Variants in FRMD4A observed in about 807,000 individuals in gnomAD.
FRMD4A encodes the protein FERM domain-containing protein 4A.
Under a neutral mutation model 129.1 loss-of-function variants are expected in FRMD4A, and 29 were observed. The ratio of observed to expected loss-of-function variants is 0.22; its 90% CI spans 0.17 to 0.31. FRMD4A has a LOEUF of 0.31. Among genes scored for constraint, FRMD4A ranks in the 10% least tolerant of loss-of-function variants. The pLI is 1.00. For missense variants in FRMD4A, 1,272 were observed against 1,375.8 expected, an observed-to-expected ratio of 0.92 and a Z score of 1.19; for synonymous variants, 634 against 571.6, an observed-to-expected ratio of 1.11 and a Z score of -1.56.
chr10:14,059,417 T>C (rs1023500371), intron 2 of FRMD4A, among the ~76,000 whole-genome samples: 3 of 152,126 alleles, frequency 2.0e-5, no homozygotes, highest in Non-Finnish European at 2.9e-5. Flanking sequence ...GAGGCCCTGA[T>C]TGGATAGGAT....
At chr10:13,689,160 CT>C (rs996151756) in intron 15 of FRMD4A, among the ~76,000 whole-genome samples, 1 of 131,790 alleles carries the variant, frequency 7.6e-6, no homozygotes, top group African/African-American at 2.8e-5. Flanking sequence ...CATTTTACGT[CT>C]TTTTTTTAAA....
chr10:14,191,801 T>TCTCTC (rs200600338), intron 2 of FRMD4A, among the ~76,000 whole-genome samples: 1 of 113,400 alleles, frequency 8.8e-6, no homozygotes, highest in East Asian at 2.5e-4. Context: ...GCTGTTTTTT[T>TCTCTC]TTTTTCTCTC....
chr10:13,683,125 T>C (rs572201708), intron 15 of FRMD4A, among the ~76,000 whole-genome samples: 2 of 151,558 alleles, frequency 1.3e-5, no homozygotes. Context: ...TTCAAGTGAT[T>C]CTCCTGCCTC....
chr10:14,250,892 A>C (rs559019931), intron 2 of FRMD4A, among the ~76,000 whole-genome samples: 1 of 152,296 alleles, frequency 6.6e-6, no homozygotes, highest in African/African-American at 2.4e-5. Flanking sequence ...CCAGAATGAA[A>C]AACATAATAC....
chr10:13,747,918 T>C, intron 8 of FRMD4A, 99 bp from the exon 9 acceptor site: 1 of 731,898 alleles, frequency 1.4e-6, no homozygotes, highest in Non-Finnish European at 2.5e-6. Context: ...AGACCCCACA[T>C]CTGCTTCCCT....
At chr10:13,930,698 GC>G (rs1322285791) in intron 2 of FRMD4A, among the ~76,000 whole-genome samples, 1 of 152,178 alleles carries the variant, frequency 6.6e-6, no homozygotes, top group Non-Finnish European at 1.5e-5. Flanking sequence ...GGGAAAGAAT[GC>G]TTAAATAGGA....
chr10:13,847,234 T>A (rs955683595), intron 3 of FRMD4A, among the ~76,000 whole-genome samples: 2 of 152,032 alleles, frequency 1.3e-5, no homozygotes, highest in Non-Finnish European at 1.5e-5. Context: ...AAAGACCTAG[T>A]GGGCGGCCCC....
chr10:13,821,935 C>G lies in FRMD4A; in HGVS notation c.112-11027G>C, dbSNP rs570688666. On this transcript the variant is annotated intron_variant, in intron 3 of 24. Coordinates refer to ENST00000357447, the MANE Select transcript of FRMD4A (RefSeq NM_018027.5). This position sits in a 1 kb window ranked among gnomAD's most constrained non-coding sequence, Gnocchi z 4.3. Reference sequence around the variant, plus strand: ...CCGCCACACCTCCATCCTTTGCCCCCGCTAATGTTACACTTAGGGGACAGA... The same window carrying G: ...CCGCCACACCTCCATCCTTTGCCCCGGCTAATGTTACACTTAGGGGACAGA... 5.9e-5 allele frequency among the ~76,000 whole-genome samples: 9 copies of G among 152,132 alleles called. No individual in the cohort carries two copies. Among genetic ancestry groups the G allele is most frequent in the Admixed American group, 3.3e-4 (5 of 15,266 alleles).
intron 3 of FRMD4A, among the ~76,000 whole-genome samples, chr10:13,823,963 C>A (rs1413371243): frequency 1.3e-5 from 2 of 152,174 alleles, no homozygotes; most frequent in African/African-American, 4.8e-5. Flanking sequence ...TCAGCTGTGG[C>A]TGGCATTCGA....
chr10:13,973,823 A>G (rs1322500861), intron 2 of FRMD4A, among the ~76,000 whole-genome samples: 1 of 152,142 alleles, frequency 6.6e-6, no homozygotes, highest in Non-Finnish European at 1.5e-5. Flanking sequence ...TAAAAAGCAT[A>G]CAGTACGCAG....
chr10:13,731,992 C>T (rs150456578), intron 12 of FRMD4A, among the ~76,000 whole-genome samples: 92 of 152,240 alleles, frequency 6.0e-4, no homozygotes, highest in Admixed American at 1.5e-3. Flanking sequence ...GGCAATGAAG[C>T]TGTGATTTTC....
chr10:14,090,902 G>A (rs1045480709), intron 2 of FRMD4A, among the ~76,000 whole-genome samples: 1 of 152,068 alleles, frequency 6.6e-6, no homozygotes, highest in African/African-American at 2.4e-5. Context: ...TCAAACTCCT[G>A]GGCACAAGTG....
chr10:14,072,608 C>T (rs941979542), intron 2 of FRMD4A, among the ~76,000 whole-genome samples: 3 of 152,142 alleles, frequency 2.0e-5, no homozygotes, highest in Non-Finnish European at 2.9e-5. Context: ...AGATGTAAAG[C>T]AGGGTTTTCA....
At position 13,646,118 on chromosome 10, in the gene FRMD4A, C is replaced by T. The variant is rs942061758; in HGVS notation, c.*920G>A. On this transcript the variant is annotated 3_prime_UTR_variant, in exon 25 of 25. Transcript: ENST00000357447. The stretch of plus-strand genomic sequence containing the variant: ...TGTGAGTCAGCAACGCCAGCCAAGA[C>T]TTCCTCGCCTTTACCGTGGCATTGG... 6.6e-6 allele frequency: 1 copy of T among 152,648 alleles called. No homozygotes were observed. The highest frequency in any genetic ancestry group is 2.4e-5 in the African/African-American group (1 of 41,452). 9.5% of individuals were successfully genotyped at this position (152,648 alleles called of 1,614,324 possible). A position where few individuals can be genotyped will look rare whatever the true frequency, so the allele number is the denominator to read the frequency against.
chr10:14,029,137 G>A (rs1047491811), intron 2 of FRMD4A, among the ~76,000 whole-genome samples: 5 of 152,124 alleles, frequency 3.3e-5, no homozygotes, highest in Admixed American at 2.0e-4. Context: ...ATTCAGAACC[G>A]TTAAATTTCT....
chr10:14,085,426 T>G (rs1003584604), intron 2 of FRMD4A, among the ~76,000 whole-genome samples: 4 of 152,340 alleles, frequency 2.6e-5, no homozygotes, highest in Middle Eastern at 3.4e-3. Context: ...TAGTAGCTTT[T>G]CAGCAGTTCT....
At chr10:13,813,109 T>C (rs1215314583) in intron 3 of FRMD4A, among the ~76,000 whole-genome samples, 2 of 152,264 alleles carry the variant, frequency 1.3e-5, no homozygotes, top group African/African-American at 4.8e-5. Context: ...AAGGCTTTGC[T>C]GGATCACTTG....
intron 12 of FRMD4A, among the ~76,000 whole-genome samples, chr10:13,708,454 T>G (rs1045851146): frequency 2.3e-4 from 35 of 152,256 alleles, no homozygotes; most frequent in African/African-American, 7.0e-4. Flanking sequence ...AATTTTACAA[T>G]TATTTTGTCT....
chr10:13,669,306 C>A (rs1040126261), intron 17 of FRMD4A, among the ~76,000 whole-genome samples: 2 of 152,140 alleles, frequency 1.3e-5, no homozygotes, highest in Non-Finnish European at 2.9e-5. Flanking sequence ...AAGTGATCTG[C>A]GCACTCTGGC....
Sources: gnomAD v4.1 joint callset for allele counts (sites outside exome capture counted in the v4.1 genomes callset) on GRCh38, gnomAD v4.1.1 for gene constraint, Gnocchi (gnomAD v3.1) non-coding constraint, MANE v1.5 for transcripts, NCBI Gene and HGNC (gene_info 2026-07-23, HGNC 2026-07-21) for gene names.